The following NKAIN2 variants were observed in gnomAD, a reference collection of about 807,000 sequenced individuals.
The protein encoded by NKAIN2 is sodium/potassium transporting ATPase interacting 2, also known as sodium/potassium-transporting ATPase subunit beta-1-interacting protein 2.
Under a neutral mutation model 32.6 loss-of-function variants are expected in NKAIN2, and 14 were observed. The observed-to-expected ratio is 0.43, with a 90% CI of 0.28 to 0.67. NKAIN2 has a LOEUF of 0.67. NKAIN2 is among the 30% of genes least tolerant of loss of function. NKAIN2 has a pLI of 0.17. For missense variants in NKAIN2, 198 were observed against 258.3 expected, an observed-to-expected ratio of 0.77 and a Z score of 1.60; for synonymous variants, 80 against 87.2, an observed-to-expected ratio of 0.92 and a Z score of 0.46.
At chr6:124,764,512 A>G (rs2114743476) in intron 4 of NKAIN2, among the ~76,000 whole-genome samples, 2 of 152,304 alleles carry the variant, frequency 1.3e-5, no homozygotes, top group African/African-American at 4.8e-5. Flanking sequence ...GTAAGCTACA[A>G]GAGACAGGCA....
chr6:124,671,877 A>G (rs2114476358), intron 4 of NKAIN2, among the ~76,000 whole-genome samples: 1 of 152,048 alleles, frequency 6.6e-6, no homozygotes, highest in African/African-American at 2.4e-5. Flanking sequence ...ATTATAGATG[A>G]CTCTGGAGGC....
intron 3 of NKAIN2, among the ~76,000 whole-genome samples, chr6:124,587,086 TC>T (rs1781737648): frequency 6.6e-6 from 1 of 152,176 alleles, no homozygotes; most frequent in Admixed American, 6.5e-5. Context: ...ATGGAACTCT[TC>T]TATTAACTTG....
intron 5 of NKAIN2, 52 bp from the exon 6 acceptor site, chr6:124,818,335 C>A: frequency 2.1e-6 from 2 of 942,016 alleles, no homozygotes; most frequent in African/African-American, 1.6e-5. Flanking sequence ...GGTGCTTGAT[C>A]ATGGATGTAT....
intron 1 of NKAIN2, among the ~76,000 whole-genome samples, chr6:124,267,579 T>TACAGTGG (rs1409649480): frequency 6.6e-6 from 1 of 151,220 alleles, no homozygotes; most frequent in African/African-American, 2.4e-5. Context: ...AATGGTATAA[T>TACAGTGG]ACAGTGGATA....
chr6:124,564,191 G>T (rs756459166), intron 3 of NKAIN2, among the ~76,000 whole-genome samples: 3 of 152,084 alleles, frequency 2.0e-5, no homozygotes, highest in Non-Finnish European at 4.4e-5. Flanking sequence ...TTGTAAACAC[G>T]CCAATCAGCG....
At chr6:124,481,002 G>C (rs745618084) in intron 3 of NKAIN2, among the ~76,000 whole-genome samples, 1 of 151,980 alleles carries the variant, frequency 6.6e-6, no homozygotes, top group African/African-American at 2.4e-5. Flanking sequence ...TTACAAGAGG[G>C]CATCTCCATT....
chr6:124,374,173 T>C (rs1799885461), intron 3 of NKAIN2, among the ~76,000 whole-genome samples: 2 of 151,980 alleles, frequency 1.3e-5, no homozygotes, highest in African/African-American at 4.8e-5. Flanking sequence ...AATGCAGAGC[T>C]GATGTATGTA....
At chr6:124,505,921 C>T (rs1259463813) in intron 3 of NKAIN2, among the ~76,000 whole-genome samples, 1 of 152,128 alleles carries the variant, frequency 6.6e-6, no homozygotes, top group African/African-American at 2.4e-5. Flanking sequence ...AGCCTGTAAT[C>T]CCAGCACTTT....
At chr6:124,401,956 G>A (rs896159848) in intron 3 of NKAIN2, among the ~76,000 whole-genome samples, 1 of 152,030 alleles carries the variant, frequency 6.6e-6, no homozygotes, top group Non-Finnish European at 1.5e-5. Flanking sequence ...TTTGTGTCCT[G>A]TTTAAGTAAT....
chr6:124,129,429 C>T (rs1035592139), intron 1 of NKAIN2, among the ~76,000 whole-genome samples: 1 of 152,112 alleles, frequency 6.6e-6, no homozygotes, highest in African/African-American at 2.4e-5. Context: ...TATTTGAAAA[C>T]ATTAAATGCA....
intron 1 of NKAIN2, among the ~76,000 whole-genome samples, chr6:124,015,541 A>G (rs894864646): frequency 1.1e-4 from 17 of 152,170 alleles, no homozygotes; most frequent in Non-Finnish European, 2.4e-4. Context: ...GGATCATTTG[A>G]TAGTTCATTA....
At chr6:124,675,000 A>G (rs566847928) in intron 4 of NKAIN2, among the ~76,000 whole-genome samples, 1 of 152,072 alleles carries the variant, frequency 6.6e-6, no homozygotes, top group East Asian at 1.9e-4. Context: ...TGAGCTTTTC[A>G]TATATGGTTC....
intron 1 of NKAIN2, among the ~76,000 whole-genome samples, chr6:124,073,857 A>G (rs1201262199): frequency 6.6e-6 from 1 of 152,080 alleles, no homozygotes; most frequent in Admixed American, 6.6e-5. Flanking sequence ...CTGAAAAGCT[A>G]AACAATTGGG....
chr6:124,556,616 C>T (rs561376029), intron 3 of NKAIN2, among the ~76,000 whole-genome samples: 1 of 152,034 alleles, frequency 6.6e-6, no homozygotes, highest in Admixed American at 6.6e-5. Flanking sequence ...AAACATGAGC[C>T]AACTAAATCT....
intron 2 of NKAIN2, among the ~76,000 whole-genome samples, chr6:124,346,086 T>C (rs976388468): frequency 2.0e-5 from 3 of 152,196 alleles, no homozygotes; most frequent in African/African-American, 7.2e-5. Flanking sequence ...TTCATTTCGT[T>C]ATGTACCCAG....
At chr6:123,944,757 CT>C (rs112181229) in intron 1 of NKAIN2, among the ~76,000 whole-genome samples, 195 of 151,322 alleles carry the variant, frequency 1.3e-3, no homozygotes, top group African/African-American at 4.3e-3. Context: ...ATGACTTGGA[CT>C]TTTTTTTTAT....
At chr6:124,407,952 A>G (rs1339636016) in intron 3 of NKAIN2, among the ~76,000 whole-genome samples, 9 of 151,640 alleles carry the variant, frequency 5.9e-5, no homozygotes, top group East Asian at 1.9e-4. Context: ...GCCAGTGATG[A>G]TGAGCATTTT....
intron 1 of NKAIN2, among the ~76,000 whole-genome samples, chr6:124,106,951 C>G (rs894377066): frequency 6.6e-6 from 1 of 152,134 alleles, no homozygotes; most frequent in African/African-American, 2.4e-5. Flanking sequence ...GAGATAGGCA[C>G]TGTATACCAT....
rs1034990041 is a variant in NKAIN2, at chr6:124,450,610, G to A, written c.273+95263G>A. On this transcript the variant is annotated intron_variant, in intron 3 of 6. Coordinates refer to ENST00000368417, the MANE Select transcript of NKAIN2 (RefSeq NM_001040214.3). ...AAATATATTCTTAACAATAGAAATTGAAAGAAAAGATACTTCCATTTAATA... is the reference window on the plus strand; with the variant it reads ...AAATATATTCTTAACAATAGAAATTAAAAGAAAAGATACTTCCATTTAATA... Among the ~76,000 whole-genome samples, 3 of 151,692 alleles carry A rather than the reference G, an allele frequency of 2.0e-5. 1 individual carries two copies. Among genetic ancestry groups the A allele is most frequent in the Admixed American group, 2.0e-4 (3 of 15,232 alleles).
Sources: gnomAD v4.1 joint callset for allele counts (sites outside exome capture counted in the v4.1 genomes callset) on GRCh38, gnomAD v4.1.1 for gene constraint, MANE v1.5 for transcripts, NCBI Gene and HGNC (gene_info 2026-07-23, HGNC 2026-07-21) for gene names.